Variants in MYOF observed in about 807,000 individuals in gnomAD.
MYOF encodes myoferlin, also known as fer-1-like 3, myoferlin.
In MYOF, 244 loss-of-function variants were observed where a neutral mutation model predicts 284.2. That is an observed-to-expected ratio of 0.86 (90% CI 0.77 to 0.95). The LOEUF (loss-of-function observed/expected upper bound fraction) is 0.95. MYOF is among the 40% of genes least tolerant of loss of function. The pLI, the probability that MYOF is intolerant of heterozygous loss-of-function variation, is 0.00. For missense variants in MYOF, 2,496 were observed against 2,560.6 expected (o/e 0.97, Z 0.54); for synonymous variants, 904 against 919.7 (o/e 0.98, Z 0.31).
chr10:93,328,023 A>C (rs189892758), intron 45 of MYOF, among the ~76,000 whole-genome samples: 64 of 150,254 alleles, frequency 4.3e-4, no homozygotes, highest in African/African-American at 1.4e-3. Flanking sequence ...ACCCGACTCG[A>C]CCTCCCAAAG....
chr10:93,452,981 C>T (rs938949936), intron 2 of MYOF, among the ~76,000 whole-genome samples: 2 of 152,006 alleles, frequency 1.3e-5, no homozygotes, highest in Admixed American at 6.6e-5. Flanking sequence ...ATTGATAAAG[C>T]GTCACTGATG....
intron 51 of MYOF, 128 bp from the exon 52 acceptor site, chr10:93,310,771 T>A (rs1842348593): frequency 7.4e-6 from 6 of 811,878 alleles, no homozygotes; most frequent in Non-Finnish European, 1.2e-5. Flanking sequence ...TGCCTTCAGT[T>A]TTCCTCAAGA....
intron 41 of MYOF, among the ~76,000 whole-genome samples, chr10:93,334,140 C>T (rs747045): frequency 0.66 from 100,034 of 152,124 alleles, 34,462 homozygotes; most frequent in East Asian, 0.97. Flanking sequence ...AGAGCAGAAA[C>T]TGGGAGTCAA....
At chr10:93,468,415 G>A (rs1214894215) in intron 1 of MYOF, among the ~76,000 whole-genome samples, 2 of 152,216 alleles carry the variant, frequency 1.3e-5, no homozygotes, top group African/African-American at 4.8e-5. Flanking sequence ...CCAAGACACA[G>A]GGGACATTAC....
At chr10:93,429,410 G>T (rs990846625) in intron 4 of MYOF, among the ~76,000 whole-genome samples, 5 of 152,038 alleles carry the variant, frequency 3.3e-5, no homozygotes, top group Non-Finnish European at 5.9e-5. Context: ...AGTGCCAAAT[G>T]GACTAACACA....
chr10:93,342,557 T>C (rs1249534977), intron 38 of MYOF, among the ~76,000 whole-genome samples: 1 of 152,224 alleles, frequency 6.6e-6, no homozygotes, highest in African/African-American at 2.4e-5. Context: ...TGATGTAAAC[T>C]GAACTTTCAT....
At chr10:93,381,458 A>T in intron 19 of MYOF, 62 bp from the exon 20 acceptor site, 1 of 1,547,482 alleles carries the variant, frequency 6.5e-7, no homozygotes, top group Non-Finnish European at 8.8e-7. Flanking sequence ...TTACATGTGG[A>T]TTTCTAGGAG....
chr10:93,310,093 T>C lies in MYOF; in HGVS notation c.6074A>G (p.Lys2025Arg), dbSNP rs1335773720. The change falls in exon 53 of 54, where the codon AAG (lysine) becomes AGG (arginine). Residue 2025 changes from lysine to arginine, a missense_variant. Lys to Arg is a conservative substitution (Grantham distance 26). This residue lies in a region of MYOF where 2,436 missense variants were observed against 2,480.7 expected (regional missense o/e 0.98). Transcript: ENST00000359263. ...GAACAGCAAGCCGATGATGACCCAC[T>C]TAAAGCGGCGCCACACGATGAACTT... is the stretch of plus-strand genomic sequence containing the variant. The part of the protein sequence containing the change: ...TMKFIVWRRF[K>R]WVIIGLLFLL... 6.2e-7 allele frequency: 1 copy of C among 1,614,106 alleles called. No individual in the cohort carries two copies. Among genetic ancestry groups the C allele is most frequent in the Non-Finnish European group, 8.5e-7 (1 of 1,180,022 alleles).
intron 18 of MYOF, 42 bp from the exon 19 acceptor site, chr10:93,387,955 A>G (rs1335592469): frequency 2.0e-6 from 3 of 1,487,990 alleles, no homozygotes; most frequent in Non-Finnish European, 2.8e-6. Flanking sequence ...AGGCAGCAAC[A>G]GCAAAAAGAA....
At chr10:93,381,422 T>G in intron 19 of MYOF, 26 bp from the exon 20 acceptor site, 1 of 1,611,044 alleles carries the variant, frequency 6.2e-7, no homozygotes, top group Non-Finnish European at 8.5e-7. Flanking sequence ...AGACATAAGG[T>G]TCAGTGAAAG....
intron 11 of MYOF, 119 bp from the exon 12 acceptor site, chr10:93,401,663 G>T: frequency 7.3e-7 from 1 of 1,367,260 alleles, no homozygotes; most frequent in Non-Finnish European, 9.9e-7. Context: ...TCCTGTGTTT[G>T]GGGCTTAAGA....
chr10:93,338,645 G>GGGCTAACCATGGTTCAGTTAGACCA (rs1183076882), intron 39 of MYOF, among the ~76,000 whole-genome samples: 1 of 152,162 alleles, frequency 6.6e-6, no homozygotes. Flanking sequence ...AGTTAGACCA[G>GGGCTAACCATGGTTCAGTTAGACCA]GGCTCCCAAC....
chr10:93,329,828 G>C lies in MYOF; in HGVS notation c.4818C>G (p.Tyr1606Ter). 1 of 1,613,990 alleles carries C rather than the reference G, an allele frequency of 6.2e-7. No individual in the cohort carries two copies. Among genetic ancestry groups the C allele is most frequent in the Non-Finnish European group, 8.5e-7 (1 of 1,179,970 alleles). ...CTTGAGGTAAGTAGCAGCTCAGTTC[G>C]TACATCCTAAATAAACAAATGCAAG... ...NTLNPVFGRM[Y>*]ELSCYLPQEK... Residue 1606 changes from tyrosine (Y) to a stop codon, truncating the protein, a stop_gained, in exon 44 of 54, where the codon TAC (tyrosine) becomes TAG (stop). Coordinates refer to ENST00000359263, the MANE Select transcript of MYOF (RefSeq NM_013451.4). LOFTEE classifies it high-confidence loss of function.
chr10:93,370,311 CTA>C (rs1192734542), intron 24 of MYOF, among the ~76,000 whole-genome samples: 2 of 108,262 alleles, frequency 1.8e-5, no homozygotes, highest in East Asian at 5.1e-4. Context: ...GTAATGATTA[CTA>C]ATTTTTTTTT....
chr10:93,378,253 A>G (rs1367839162), intron 21 of MYOF, among the ~76,000 whole-genome samples: 3 of 152,180 alleles, frequency 2.0e-5, no homozygotes, highest in Non-Finnish European at 4.4e-5. Flanking sequence ...GAAAGCCACC[A>G]TCCTGTCCAG....
At chr10:93,407,099 G>A (rs999918683) in intron 7 of MYOF, among the ~76,000 whole-genome samples, 1 of 152,106 alleles carries the variant, frequency 6.6e-6, no homozygotes, top group Non-Finnish European at 1.5e-5. Flanking sequence ...TTTGAGGAGT[G>A]TTATAAAAGA....
At chr10:93,310,666 A>G (rs778433597) in intron 51 of MYOF, 23 bp from the exon 52 acceptor site, 3 of 1,603,454 alleles carry the variant, frequency 1.9e-6, no homozygotes, top group African/African-American at 2.7e-5. Flanking sequence ...AGAGCAGGTT[A>G]AACATATGAC....
intron 5 of MYOF, among the ~76,000 whole-genome samples, chr10:93,413,836 T>A (rs925799516): frequency 1.3e-5 from 2 of 151,308 alleles, no homozygotes; most frequent in African/African-American, 4.9e-5. Context: ...ACAAAAAAAA[T>A]TTAAAAACTA....
chr10:93,398,564 G>A (rs1392924169), intron 13 of MYOF, among the ~76,000 whole-genome samples: 2 of 152,030 alleles, frequency 1.3e-5, no homozygotes, highest in Non-Finnish European at 2.9e-5. Context: ...TCCCTTTATA[G>A]TTCAGGAAAT....
Sources: allele counts gnomAD v4.1 joint callset (sites outside exome capture counted in the v4.1 genomes callset), GRCh38; gene constraint gnomAD v4.1.1; regional missense constraint gnomAD v4.1.1; transcripts MANE v1.5; gene names NCBI Gene and HGNC (gene_info 2026-07-23, HGNC 2026-07-21).